EFTUD2: variants seen among roughly 807,000 people sequenced by gnomAD.
EFTUD2 encodes the protein 116 kDa U5 small nuclear ribonucleoprotein component.
Under a neutral mutation model 114.3 loss-of-function variants are expected in EFTUD2, and 9 were observed. The ratio of observed to expected loss-of-function variants is 0.08; its 90% CI spans 0.05 to 0.14. The LOEUF (loss-of-function observed/expected upper bound fraction) is 0.14. Ranked by LOEUF, EFTUD2 falls within the 10% of genes least tolerant of loss-of-function variation. The pLI, the probability that EFTUD2 is intolerant of heterozygous loss-of-function variation, is 1.00. For missense variants in EFTUD2, 765 were observed against 1,241.2 expected (o/e 0.62, Z 5.76); for synonymous variants, 449 against 462.3 (o/e 0.97, Z 0.37).
Position 44,862,808 on chromosome 17 carries a change from C to T in EFTUD2, c.1512G>A (p.Gly504=), listed in dbSNP as rs2050681378. 6.2e-7 allele frequency: 1 copy of T among 1,613,892 alleles called. No homozygotes were observed. The highest frequency in any genetic ancestry group is 1.3e-5 in the African/African-American group (1 of 74,852). ...TCTCCCCCAGTACCTTCACAGGCTG[C>T]CCAGCATGAATGGTGCCACTCAGCA... ...GRVLSGTIHA[G]QPVKVLGENY... is the part of the protein sequence containing the mutation. The change falls in exon 16 of 28, where the codon GGG becomes GGA. Residue 504 remains glycine, a synonymous_variant. Coordinates refer to ENST00000426333, the MANE Select transcript of EFTUD2 (RefSeq NM_004247.4).
At chr17:44,863,109 T>A in intron 15 of EFTUD2, 2 of 168,280 alleles carry the variant, frequency 1.2e-5, no homozygotes, top group Non-Finnish European at 2.5e-5. Flanking sequence ...TATTCTCCTC[T>A]TTTTTTTTTT....
intron 4 of EFTUD2, 109 bp downstream of exon 4, chr17:44,885,147 T>C (rs2051144101): frequency 3.7e-6 from 3 of 808,776 alleles, no homozygotes; most frequent in African/African-American, 1.7e-5. Flanking sequence ...TTGAGAGCTA[T>C]GTACGGCCAC....
At chr17:44,859,225 G>T in intron 18 of EFTUD2, 44 bp from the exon 19 acceptor site, 2 of 1,398,772 alleles carry the variant, frequency 1.4e-6, no homozygotes, top group Non-Finnish European at 1.0e-6. Flanking sequence ...TCTTATGCCA[G>T]CAAAGGCACA....
intron 20 of EFTUD2, 44 bp from the exon 21 acceptor site, chr17:44,855,048 G>A (rs746160734): frequency 6.6e-7 from 1 of 1,516,696 alleles, no homozygotes; most frequent in Non-Finnish European, 9.2e-7. Flanking sequence ...TAACAGAACA[G>A]CAGAAGAGGC....
At chr17:44,876,672 G>A (rs2050956123) in intron 9 of EFTUD2, among the ~76,000 whole-genome samples, 1 of 151,924 alleles carries the variant, frequency 6.6e-6, no homozygotes, top group Non-Finnish European at 1.5e-5. Context: ...CTAACACGGT[G>A]AAACCCTGTC....
In EFTUD2 at chr17:44,872,560, T is replaced by C. The variant is rs755068666; in HGVS notation, c.880A>G (p.Thr294Ala). The C allele has an allele frequency of 1.2e-6, 2 of 1,610,054 alleles. No individual in the cohort carries two copies. The highest frequency in any genetic ancestry group is 1.1e-5 in the South Asian group (1 of 90,778). Residue 294 changes from threonine (T) to alanine (A), a missense_variant, in exon 11 of 28, where the codon ACT becomes GCT. Physicochemically the swap from Thr to Ala is moderately conservative, Grantham distance 58. Coordinates refer to ENST00000426333, the MANE Select transcript of EFTUD2 (RefSeq NM_004247.4). ...GGGGAAAGGATCAGGTTCTCATCAG[T>C]GGAATACATGCTGAAACAGAGACAG... is the stretch of plus-strand genomic sequence containing the variant. ...EVNGLISMYSTDENLILSPLL... is the reference protein window; with the variant it reads ...EVNGLISMYSADENLILSPLL...
intron 13 of EFTUD2, 95 bp from the exon 14 acceptor site, chr17:44,865,160 T>G: frequency 6.6e-7 from 1 of 1,519,046 alleles, no homozygotes; most frequent in East Asian, 2.3e-5. Flanking sequence ...TCTGAAGAAC[T>G]CCTTCACAAG....
chr17:44,852,448 C>T lies in EFTUD2; in HGVS notation c.2676G>A (p.Gln892=). The T allele has an allele frequency of 6.2e-7, 1 of 1,614,076 alleles. No individual in the cohort carries two copies. The highest frequency in any genetic ancestry group is 8.5e-7 in the Non-Finnish European group (1 of 1,180,012). ...GFETDLRTHT[Q]GQAFSLSVFH... ...AGACAGACAGAGAAAAGGCTTGTCC[C>T]TGGGTGTGAGTCCGGAGATCAGTCT... The change falls in exon 26 of 28, where the codon CAG becomes CAA. Residue 892 remains glutamine (Q), a synonymous_variant. Transcript: ENST00000426333.
chr17:44,896,021 G>C (rs532261674), intron 1 of EFTUD2: 15 of 152,158 alleles, frequency 9.9e-5, no homozygotes, highest in African/African-American at 1.7e-4. Flanking sequence ...TGCGTTTTGG[G>C]CAGGAATATC....
chr17:44,893,943 C>T (rs1379715132), intron 2 of EFTUD2, among the ~76,000 whole-genome samples: 3 of 152,036 alleles, frequency 2.0e-5, no homozygotes, highest in South Asian at 2.1e-4. Context: ...GTGGCACACA[C>T]CTGTAATCCC....
intron 9 of EFTUD2, among the ~76,000 whole-genome samples, chr17:44,877,364 G>A (rs974938243): frequency 6.6e-6 from 1 of 152,246 alleles, no homozygotes; most frequent in African/African-American, 2.4e-5. Flanking sequence ...GGAGCTCTCA[G>A]TAGCCAAATC....
intron 2 of EFTUD2, 74 bp from the exon 3 acceptor site, chr17:44,886,824 G>A: frequency 6.5e-7 from 1 of 1,534,288 alleles, no homozygotes; most frequent in Non-Finnish European, 8.8e-7. Context: ...ACCTCCGTGA[G>A]TGACAGCACT....
chr17:44,883,305 C>T (rs1337790588), intron 5 of EFTUD2, 147 bp from the exon 6 acceptor site: 2 of 663,500 alleles, frequency 3.0e-6, no homozygotes, highest in Non-Finnish European at 5.2e-6. Flanking sequence ...ATAATTAACA[C>T]TGAAGCCACA....
rs1458588252 is a variant in EFTUD2 at position 44,862,792 on chromosome 17, G to A, written c.1528C>T (p.Leu510=). The A allele has an allele frequency of 6.2e-7, 1 of 1,613,794 alleles. No homozygotes were observed. The highest frequency in any genetic ancestry group is 1.3e-5 in the African/African-American group (1 of 74,824). The stretch of plus-strand genomic sequence containing the variant: ...TCCTCCAGGGTGTAGTTCTCCCCCA[G>A]TACCTTCACAGGCTGCCCAGCATGA... ...TIHAGQPVKV[L]GENYTLEDEE... is the part of the protein sequence containing the mutation. The change falls in exon 16 of 28, where the codon CTG becomes TTG. Residue 510 remains leucine (L), a synonymous_variant. Coordinates refer to ENST00000426333, the MANE Select transcript of EFTUD2 (RefSeq NM_004247.4).
chr17:44,873,358 A>C (rs1027587177), intron 10 of EFTUD2, among the ~76,000 whole-genome samples: 9 of 152,252 alleles, frequency 5.9e-5, no homozygotes, highest in Non-Finnish European at 1.3e-4. Context: ...TCTTGCTTAG[A>C]GGTTCTTTTG....
intron 11 of EFTUD2, chr17:44,868,593 A>C (rs1161982254): frequency 2.0e-6 from 1 of 492,820 alleles, no homozygotes; most frequent in African/African-American, 2.0e-5. Flanking sequence ...CATCTCCACC[A>C]AGCACTAGGA....
intron 5 of EFTUD2, 51 bp downstream of exon 5, chr17:44,883,598 G>A (rs761621459): frequency 6.5e-7 from 1 of 1,541,276 alleles, no homozygotes; most frequent in Non-Finnish European, 9.0e-7. Context: ...TAAAACATGA[G>A]CAGGTACAAA....
At chr17:44,883,434 G>C in intron 5 of EFTUD2, 1 of 612,122 alleles carries the variant, frequency 1.6e-6, no homozygotes. Context: ...GTAGACATAA[G>C]GCTCAGGCAT....
At chr17:44,855,440 A>G (rs957490505) in intron 20 of EFTUD2, among the ~76,000 whole-genome samples, 4 of 151,890 alleles carry the variant, frequency 2.6e-5, no homozygotes, top group Non-Finnish European at 4.4e-5. Flanking sequence ...GTGCGCTGGC[A>G]CATGCCTGTA....
Sources: gnomAD v4.1 joint callset for allele counts (sites outside exome capture counted in the v4.1 genomes callset) on GRCh38, gnomAD v4.1.1 for gene constraint, MANE v1.5 for transcripts, NCBI Gene and HGNC (gene_info 2026-07-23, HGNC 2026-07-21) for gene names.